The following ADAMTS18 variants were observed in gnomAD, a reference collection of about 807,000 sequenced individuals.
The protein encoded by ADAMTS18 is A disintegrin and metalloproteinase with thrombospondin motifs 18.
A neutral mutation model predicts 165.9 loss-of-function variants in ADAMTS18; 157 were observed. That is an observed-to-expected ratio of 0.95 (90% CI 0.83 to 1.08). The LOEUF (loss-of-function observed/expected upper bound fraction) is 1.08. Among genes scored for constraint, ADAMTS18 ranks in the 50% least tolerant of loss-of-function variants. The pLI, the probability that ADAMTS18 is intolerant of heterozygous loss-of-function variation, is 0.00. For synonymous variants in ADAMTS18, 782 were observed against 578.2 expected, an observed-to-expected ratio of 1.35 and a Z score of -5.06; for missense variants, 2,040 against 1,534.0, an observed-to-expected ratio of 1.33 and a Z score of -5.51.
chr16:77,334,549 T>TAG (rs2056258134), intron 12 of ADAMTS18, among the ~76,000 whole-genome samples: 1 of 112,932 alleles, frequency 8.9e-6, no homozygotes, highest in Non-Finnish European at 1.6e-5. Flanking sequence ...GATATTATAG[T>TAG]ATATATTATA....
chr16:77,314,293 G>T (rs2055838712), intron 16 of ADAMTS18, among the ~76,000 whole-genome samples: 1 of 152,076 alleles, frequency 6.6e-6, no homozygotes, highest in Non-Finnish European at 1.5e-5. Context: ...TGATATTAAA[G>T]CTTTAATCTA....
rs528552743 is a variant in ADAMTS18 at position 77,399,329 on chromosome 16, G to A, written c.496-31606C>T. On this transcript the variant is annotated intron_variant, in intron 3 of 22. Transcript: ENST00000282849. ...GGAAAGTAGGCCAGAGAGATGGAGA[G>A]ACACCAAGTCCTTCTGACATCACTT... Among the ~76,000 whole-genome samples, 17 of 152,284 alleles carry A rather than the reference G, an allele frequency of 1.1e-4. 1 individual carries two copies. The South Asian group carries it at 1.4e-3, about 13-fold the overall frequency.
intron 10 of ADAMTS18, among the ~76,000 whole-genome samples, chr16:77,343,254 A>G (rs1172601254): frequency 6.6e-6 from 1 of 152,006 alleles, no homozygotes; most frequent in Non-Finnish European, 1.5e-5. Flanking sequence ...TTGTATTTTT[A>G]GTAGAGACGT....
At chr16:77,328,065 A>G (rs536561585) in intron 12 of ADAMTS18, among the ~76,000 whole-genome samples, 1 of 152,342 alleles carries the variant, frequency 6.6e-6, no homozygotes, top group South Asian at 2.1e-4. Flanking sequence ...CCTGCCAAGC[A>G]CAATGGGAAA....
At chr16:77,368,626 G>A (rs990590638) in intron 3 of ADAMTS18, among the ~76,000 whole-genome samples, 2 of 151,730 alleles carry the variant, frequency 1.3e-5, no homozygotes, top group Admixed American at 6.6e-5. Context: ...GCCCAGGCTC[G>A]TCTCAAACTC....
chr16:77,361,117 T>C (rs2056706925), intron 7 of ADAMTS18, among the ~76,000 whole-genome samples: 1 of 152,120 alleles, frequency 6.6e-6, no homozygotes, highest in Admixed American at 6.6e-5. Flanking sequence ...TAAAGTTTTA[T>C]TAAAACACAT....
intron 3 of ADAMTS18, among the ~76,000 whole-genome samples, chr16:77,398,772 G>T (rs1486764302): frequency 6.6e-6 from 1 of 151,986 alleles, no homozygotes; most frequent in Non-Finnish European, 1.5e-5. Context: ...ATACCCCCTG[G>T]GGTACAAAAT....
chr16:77,421,382 T>C (rs575251692), intron 3 of ADAMTS18, among the ~76,000 whole-genome samples: 1 of 152,366 alleles, frequency 6.6e-6, no homozygotes, highest in South Asian at 2.1e-4. Context: ...CTGGGTTTGT[T>C]CACAGAGACG....
intron 14 of ADAMTS18, among the ~76,000 whole-genome samples, chr16:77,321,811 T>G (rs190067455): frequency 6.6e-6 from 1 of 152,128 alleles, no homozygotes; most frequent in African/African-American, 2.4e-5. Context: ...GAGTAAAAAA[T>G]AAACTAAAAT....
chr16:77,396,412 A>C (rs548974012), intron 3 of ADAMTS18, among the ~76,000 whole-genome samples: 29 of 152,278 alleles, frequency 1.9e-4, no homozygotes, highest in Non-Finnish European at 3.1e-4. Context: ...ACTGCACTTC[A>C]GCATAAAGCC....
chr16:77,378,026 G>C (rs904716348), intron 3 of ADAMTS18, among the ~76,000 whole-genome samples: 21 of 152,104 alleles, frequency 1.4e-4, no homozygotes, highest in African/African-American at 3.9e-4. Flanking sequence ...GGATGTTTAG[G>C]ATTTTATTCA....
chr16:77,353,652 A>C, intron 10 of ADAMTS18, 81 bp downstream of exon 10: 2 of 1,605,974 alleles, frequency 1.2e-6, no homozygotes, highest in Non-Finnish European at 1.7e-6. Context: ...GGCCTTGGCA[A>C]ACCAAATGTT....
At chr16:77,399,349 T>C (rs372922277) in intron 3 of ADAMTS18, among the ~76,000 whole-genome samples, 15 of 152,182 alleles carry the variant, frequency 9.9e-5, no homozygotes, top group African/African-American at 3.6e-4. Flanking sequence ...CCTTCTGACA[T>C]CACTTAGCAC....
rs751275200 is a variant in ADAMTS18 at position 77,291,294 on chromosome 16, G to C, written c.3374C>G (p.Ala1125Gly). 2 of 1,614,148 alleles carry C rather than the reference G, an allele frequency of 1.2e-6. No individual in the cohort carries two copies. Among genetic ancestry groups the C allele is most frequent in the Non-Finnish European group, 1.7e-6 (2 of 1,180,022 alleles). The change falls in exon 21 of 23, where the codon GCT becomes GGT. Residue 1125 changes from alanine to glycine, a missense_variant. Physicochemically the swap from Ala to Gly is moderately conservative, Grantham distance 60. Transcript: ENST00000282849. ...CTGCCACGGCAATGAATACCATCCAGCTACCATGTTGTACACTGGATGGGC... is the reference window on the plus strand; with the variant it reads ...CTGCCACGGCAATGAATACCATCCACCTACCATGTTGTACACTGGATGGGC... ...CPAHPVYNMV[A>G]GWYSLPWQQC...
intron 3 of ADAMTS18, among the ~76,000 whole-genome samples, chr16:77,411,906 C>A (rs911756922): frequency 5.3e-5 from 8 of 151,900 alleles, no homozygotes; most frequent in Middle Eastern, 6.8e-3. Flanking sequence ...CCAGGATGGT[C>A]TTGAACTCCT....
chr16:77,402,393 C>G (rs1474421412), intron 3 of ADAMTS18, among the ~76,000 whole-genome samples: 2 of 152,132 alleles, frequency 1.3e-5, no homozygotes, highest in Non-Finnish European at 2.9e-5. Flanking sequence ...TCTGTTATCC[C>G]GATAGTCCTG....
intron 3 of ADAMTS18, among the ~76,000 whole-genome samples, chr16:77,390,922 G>C (rs1003473934): frequency 1.3e-4 from 20 of 152,278 alleles, no homozygotes; most frequent in African/African-American, 4.8e-4. Flanking sequence ...ATACTAAACA[G>C]TCTGGAAAGT....
intron 13 of ADAMTS18, among the ~76,000 whole-genome samples, chr16:77,325,512 TG>T (rs978339091): frequency 1.3e-5 from 2 of 152,066 alleles, no homozygotes; most frequent in East Asian, 3.9e-4. Context: ...GGGGTATATA[TG>T]GTTTCATGAG....
intron 3 of ADAMTS18, among the ~76,000 whole-genome samples, chr16:77,399,572 T>C (rs2057300172): frequency 6.6e-6 from 1 of 152,184 alleles, no homozygotes; most frequent in Non-Finnish European, 1.5e-5. Flanking sequence ...AGTATTAGGG[T>C]TCTAGAAAGT....
Sources: allele counts gnomAD v4.1 joint callset (sites outside exome capture counted in the v4.1 genomes callset), GRCh38; gene constraint gnomAD v4.1.1; transcripts MANE v1.5; gene names NCBI Gene and HGNC (gene_info 2026-07-23, HGNC 2026-07-21).